The following DENND5A variants were observed in gnomAD, a reference collection of about 807,000 sequenced individuals.
DENND5A encodes the protein DENN domain containing 5A.
A neutral mutation model predicts 140.3 loss-of-function variants in DENND5A; 64 were observed. The observed-to-expected ratio is 0.46, with a 90% CI of 0.37 to 0.56. The LOEUF is 0.56. Ranked by LOEUF, DENND5A falls within the 20% of genes least tolerant of loss-of-function variation. DENND5A has a pLI of 0.00. For missense variants in DENND5A, 1,292 were observed against 1,593.8 expected, an observed-to-expected ratio of 0.81 and a Z score of 3.22; for synonymous variants, 605 against 607.7, an observed-to-expected ratio of 1.00 and a Z score of 0.07.
intron 1 of DENND5A, among the ~76,000 whole-genome samples, chr11:9,253,929 G>A (rs1437308253): frequency 1.3e-5 from 2 of 152,074 alleles, no homozygotes; most frequent in Non-Finnish European, 2.9e-5. Flanking sequence ...AGGCCGAGAC[G>A]GGCGGATCAT....
At chr11:9,192,394 C>T (rs1246508752) in intron 5 of DENND5A, among the ~76,000 whole-genome samples, 1 of 152,124 alleles carries the variant, frequency 6.6e-6, no homozygotes, top group East Asian at 1.9e-4. Flanking sequence ...TTTGGGAGGC[C>T]AAGGCGGGTG....
At chr11:9,241,975 T>C (rs918453669) in intron 1 of DENND5A, among the ~76,000 whole-genome samples, 15 of 148,102 alleles carry the variant, frequency 1.0e-4, no homozygotes, top group Non-Finnish European at 1.5e-4. Context: ...GATTGCACCA[T>C]TGCGCTCCAG....
intron 1 of DENND5A, among the ~76,000 whole-genome samples, chr11:9,231,286 C>G (rs1472750011): frequency 6.6e-6 from 1 of 152,156 alleles, no homozygotes; most frequent in Non-Finnish European, 1.5e-5. Context: ...GAATGTATAC[C>G]ACGGCAGAGC....
chr11:9,144,367 A>T, intron 18 of DENND5A, 89 bp from the exon 19 acceptor site: 4 of 1,309,132 alleles, frequency 3.1e-6, no homozygotes, highest in Non-Finnish European at 4.3e-6. Context: ...CCCTGGAGAT[A>T]GGCTCTGAAA....
chr11:9,179,874 T>C (rs1312051920), intron 6 of DENND5A, among the ~76,000 whole-genome samples: 1 of 151,854 alleles, frequency 6.6e-6, no homozygotes, highest in Non-Finnish European at 1.5e-5. Context: ...ATATCTAGTC[T>C]ACTAAGCAAA....
rs542244672 is a variant in DENND5A, at chr11:9,257,587, T to C, written c.109+7374A>G. On this transcript the variant is annotated intron_variant, in intron 1 of 22. Coordinates refer to ENST00000328194, the MANE Select transcript of DENND5A (RefSeq NM_015213.4). ...AGCTCCGCCTCCCAGGTTCACGCCATTCTCCTGCCTCAGCCTCCTGAGTAG... is the reference window on the plus strand; with the variant it reads ...AGCTCCGCCTCCCAGGTTCACGCCACTCTCCTGCCTCAGCCTCCTGAGTAG... Among the ~76,000 whole-genome samples the C allele has an allele frequency of 2.9e-3, 434 of 149,748 alleles. 2 individuals carry two copies. Among genetic ancestry groups the C allele is most frequent in the African/African-American group, 0.01 (412 of 40,746 alleles).
In DENND5A at chr11:9,164,056, G is replaced by GTTTTTTTTTTT. The variant is rs768604681; in HGVS notation, c.2283+1769_2283+1779dup. On this transcript the variant is annotated intron_variant, in intron 11 of 22. Coordinates refer to ENST00000328194, the MANE Select transcript of DENND5A (RefSeq NM_015213.4). Reference sequence around the variant, plus strand: ...ATATCAGTACTGATATATTAATCAGGTTTTTTTTTTTTTTTTTTTTTTTTT... The same window carrying GTTTTTTTTTTT: ...ATATCAGTACTGATATATTAATCAGGTTTTTTTTTTTTTTTTTTTTTTTTTTTTTTTTTTTT... 6.7e-4 allele frequency among the ~76,000 whole-genome samples: 39 copies of GTTTTTTTTTTT among 57,978 alleles called. 8 individuals are homozygous for GTTTTTTTTTTT. The highest frequency in any genetic ancestry group is 1.2e-3 in the East Asian group (2 of 1,706). The allele number at this position is 57,978 out of a possible 152,430, so 38.0% of individuals were successfully genotyped here.
chr11:9,183,710 G>C (rs1031723427), intron 5 of DENND5A, among the ~76,000 whole-genome samples: 7 of 151,918 alleles, frequency 4.6e-5, no homozygotes, highest in African/African-American at 1.7e-4. Flanking sequence ...CACCCAGCCA[G>C]GTTTTTAAAT....
At chr11:9,240,709 C>CAA (rs139278051) in intron 1 of DENND5A, among the ~76,000 whole-genome samples, 36 of 149,808 alleles carry the variant, frequency 2.4e-4, no homozygotes, top group Admixed American at 7.3e-4. Context: ...GACCCTGTCT[C>CAA]AAAACAAAAA....
Position 9,143,409 on chromosome 11 carries a change from C to G in DENND5A, c.3381G>C (p.Glu1127Asp), listed in dbSNP as rs1847314263. ...GGAGGGCAGGAAGGCTCACCTCTTT[C>G]TCAGGCTTATGGAAGTGCTTCACAA... The part of the protein sequence containing the change: ...NGIVKHFHKP[E>D]KERGSLTLLL... Residue 1127 changes from glutamate to aspartate, a missense_variant, in exon 20 of 23, where the codon GAG (glutamate) becomes GAC (aspartate). Glu to Asp is a conservative substitution (Grantham distance 45). This residue lies in a region of DENND5A where 498 missense variants were observed against 689.7 expected (regional missense o/e 0.72). Coordinates refer to ENST00000328194, the MANE Select transcript of DENND5A (RefSeq NM_015213.4). 1 of 1,613,914 alleles carries G rather than the reference C, an allele frequency of 6.2e-7. No homozygotes were observed. Among genetic ancestry groups the G allele is most frequent in the Admixed American group, 1.7e-5 (1 of 60,012 alleles).
At chr11:9,264,935 G>A (rs1295394139) in intron 1 of DENND5A, 26 bp downstream of exon 1, 5 of 1,524,644 alleles carry the variant, frequency 3.3e-6, no homozygotes, top group Non-Finnish European at 4.4e-6. Context: ...GCGCGGGAAA[G>A]CGCCCCGGGC....
intron 1 of DENND5A, among the ~76,000 whole-genome samples, chr11:9,258,037 C>G (rs773412879): frequency 2.0e-5 from 3 of 152,252 alleles, no homozygotes; most frequent in African/African-American, 4.8e-5. Flanking sequence ...AAGTGATCCA[C>G]CCACCTCAAC....
chr11:9,179,955 CA>C (rs1848672549), intron 6 of DENND5A, among the ~76,000 whole-genome samples: 1 of 152,120 alleles, frequency 6.6e-6, no homozygotes, highest in Admixed American at 6.5e-5. Context: ...AAGATTATTA[CA>C]TTGGCCCATT....
chr11:9,244,239 T>C (rs1040053694), intron 1 of DENND5A, among the ~76,000 whole-genome samples: 1 of 152,316 alleles, frequency 6.6e-6, no homozygotes, highest in South Asian at 2.1e-4. Context: ...TTTAAATGTG[T>C]CCTTTCCAAA....
At position 9,145,728 on chromosome 11, in the gene DENND5A, T is replaced by G; in HGVS notation, c.2945A>C (p.Glu982Ala). 6.2e-7 allele frequency: 1 copy of G among 1,614,080 alleles called. No individual in the cohort carries two copies. Among genetic ancestry groups the G allele is most frequent in the Non-Finnish European group, 8.5e-7 (1 of 1,179,988 alleles). Residue 982 changes from glutamate to alanine, a missense_variant, in exon 17 of 23, where the codon GAA becomes GCA. By Grantham distance (107) the Glu-to-Ala change is moderately radical. This residue lies in a region of DENND5A where 498 missense variants were observed against 689.7 expected (regional missense o/e 0.72). Coordinates refer to ENST00000328194, the MANE Select transcript of DENND5A (RefSeq NM_015213.4). ...TANPWICISG[E>A]LGETQIMQIP... is the part of the protein sequence containing the mutation. Reference sequence around the variant, plus strand: ...CTGCATGATCTGTGTCTCACCCAATTCTCCTGATATACAGATCCATGGGTT... The same window carrying G: ...CTGCATGATCTGTGTCTCACCCAATGCTCCTGATATACAGATCCATGGGTT...
At chr11:9,219,859 A>C (rs1217028961) in intron 1 of DENND5A, among the ~76,000 whole-genome samples, 1 of 152,246 alleles carries the variant, frequency 6.6e-6, no homozygotes, top group Non-Finnish European at 1.5e-5. Context: ...AACAAAAAGA[A>C]ATTTTTCAGA....
At chr11:9,194,322 T>G (rs562908905) in intron 4 of DENND5A, among the ~76,000 whole-genome samples, 1 of 152,298 alleles carries the variant, frequency 6.6e-6, no homozygotes, top group African/African-American at 2.4e-5. Context: ...GCCAGCACTT[T>G]GGGAGGCCGA....
chr11:9,147,079 A>G lies in DENND5A; in HGVS notation c.2808T>C (p.Ser936=), dbSNP rs771961122. 6.2e-7 allele frequency: 1 copy of G among 1,614,214 alleles called. No individual in the cohort carries two copies. Among genetic ancestry groups the G allele is most frequent in the Admixed American group, 1.7e-5 (1 of 60,032 alleles). ...EKEQFLYHLL[S]FNAVDYFCFT... ...AGCAAAAGTAATCGACGGCATTGAA[A>G]GACAGGAGGTGATAGAGGAACTGCT... Residue 936 remains serine, a synonymous_variant, in exon 16 of 23, where the codon TCT becomes TCC. Coordinates refer to ENST00000328194, the MANE Select transcript of DENND5A (RefSeq NM_015213.4).
intron 4 of DENND5A, among the ~76,000 whole-genome samples, chr11:9,197,219 C>G: frequency 6.6e-6 from 1 of 150,998 alleles, no homozygotes; most frequent in East Asian, 2.0e-4. Flanking sequence ...GCAGAAGAAT[C>G]GTTTGAACCC....
Sources: gnomAD v4.1 joint callset for allele counts (sites outside exome capture counted in the v4.1 genomes callset) on GRCh38, gnomAD v4.1.1 for gene constraint, gnomAD v4.1.1 regional missense constraint, MANE v1.5 for transcripts, NCBI Gene and HGNC (gene_info 2026-07-23, HGNC 2026-07-21) for gene names.